SRC: variants seen among roughly 807,000 people sequenced by gnomAD.
SRC encodes the protein proto-oncogene tyrosine-protein kinase Src.
In SRC, 13 loss-of-function variants were observed where a neutral mutation model predicts 62.9. The observed-to-expected ratio is 0.21, with a 90% CI of 0.13 to 0.33. SRC has a LOEUF of 0.33. Ranked by LOEUF, SRC falls within the 10% of genes least tolerant of loss-of-function variation. The pLI is 1.00. For synonymous variants in SRC, 302 were observed against 317.5 expected (o/e 0.95, Z 0.52); for missense variants, 457 against 737.3 (o/e 0.62, Z 4.40).
rs1469965041 is a variant in SRC at position 37,398,387 on chromosome 20, C to T, written c.859+533C>T. Among the ~76,000 whole-genome samples the T allele has an allele frequency of 6.6e-6, 1 of 152,226 alleles. No individual in the cohort carries two copies. Among genetic ancestry groups the T allele is most frequent in the Admixed American group, 6.5e-5 (1 of 15,284 alleles). ...TGACAAAACCCAGGCCCCTCTTCCACCGGATGCTTTCTGCTCACACGGAGG... is the reference window on the plus strand; with the variant it reads ...TGACAAAACCCAGGCCCCTCTTCCATCGGATGCTTTCTGCTCACACGGAGG... On this transcript the variant is annotated intron_variant, in intron 9 of 13. Transcript: ENST00000373578. The surrounding 1 kb of genome is among the most constrained non-coding windows in gnomAD (Gnocchi z 5.2).
At chr20:37,356,974 A>G (rs1211463100) in intron 1 of SRC, among the ~76,000 whole-genome samples, 1 of 152,110 alleles carries the variant, frequency 6.6e-6, no homozygotes, top group African/African-American at 2.4e-5. Flanking sequence ...ACGGCTCCTG[A>G]GAGAGTGAAA....
rs545943652 is a variant in SRC, at chr20:37,393,168, C to T, written c.351-727C>T. Among the ~76,000 whole-genome samples, 18 of 152,370 alleles carry T rather than the reference C, an allele frequency of 1.2e-4. 1 individual carries two copies. In the South Asian group the frequency reaches 3.7e-3, roughly 32 times the overall value. ...TTGGGGCTCTGCCACCTCACCCCCT[C>T]TGACAGGGCTCACTGTGTGACTTTG... On this transcript the variant is annotated intron_variant, in intron 5 of 13. Transcript: ENST00000373578.
chr20:37,395,533 A>G (rs1293712630), intron 7 of SRC, among the ~76,000 whole-genome samples: 4 of 152,342 alleles, frequency 2.6e-5, no homozygotes, highest in African/African-American at 9.6e-5. Flanking sequence ...GGGAGGCACC[A>G]GGGCTGGCCC....
rs2069804879 is a variant in SRC, at chr20:37,351,743, G to A, written c.-247+5488G>A. 6.6e-6 allele frequency among the ~76,000 whole-genome samples: 1 copy of A among 152,246 alleles called. No homozygotes were observed. Among genetic ancestry groups the A allele is most frequent in the Non-Finnish European group, 1.5e-5 (1 of 68,044 alleles). On this transcript the variant is annotated intron_variant, in intron 1 of 13. Coordinates refer to ENST00000373578, the MANE Select transcript of SRC (RefSeq NM_198291.3). The surrounding 1 kb of genome is among the most constrained non-coding windows in gnomAD (Gnocchi z 4.4). The stretch of plus-strand genomic sequence containing the variant: ...TGTCCCTTGCTCCATCCTGGGAGCA[G>A]TCAAACTCTTATTCCTGTTACACAG...
chr20:37,365,359 CA>C (rs2146956270), intron 2 of SRC, 82 bp downstream of exon 2: 1 of 151,582 alleles, frequency 6.6e-6, no homozygotes, highest in East Asian at 1.9e-4. Flanking sequence ...CACACACACA[CA>C]CACACACACA....
intron 1 of SRC, among the ~76,000 whole-genome samples, chr20:37,355,022 T>G (rs1310523092): frequency 6.6e-6 from 1 of 152,144 alleles, no homozygotes; most frequent in African/African-American, 2.4e-5. Flanking sequence ...AGGATACACG[T>G]GAGCACAGGC....
chr20:37,372,950 T>C (rs1410865747), intron 2 of SRC, among the ~76,000 whole-genome samples: 2 of 152,118 alleles, frequency 1.3e-5, no homozygotes, highest in African/African-American at 4.8e-5. Context: ...CTAGGTCTTA[T>C]GTCATGTTTA....
rs920296787 is a variant in SRC at position 37,377,726 on chromosome 20, A to T, written c.-172-4893A>T. ...TCTTGAATATTTTTTAAAAATTGTC[A>T]CTTTAGAAAATCATGACAAAGTCAT... On this transcript the variant is annotated intron_variant, in intron 2 of 13. Transcript: ENST00000373578. 3.3e-5 allele frequency among the ~76,000 whole-genome samples: 5 copies of T among 152,368 alleles called. No individual in the cohort carries two copies. In the South Asian group the frequency reaches 1.0e-3, roughly 32 times the overall value.
In SRC at chr20:37,384,196, C is replaced by T. The variant is rs2147049292; in HGVS notation, c.43C>T (p.Arg15Cys). 1 of 1,597,102 alleles carries T rather than the reference C, an allele frequency of 6.3e-7. No individual in the cohort carries two copies. ...CAAGCCCAAGGATGCCAGCCAGCGG[C>T]GCCGCAGCCTGGAGCCCGCCGAGAA... ...KSKPKDASQR[R>C]RSLEPAENVH... The change falls in exon 4 of 14, where the codon CGC becomes TGC. Residue 15 changes from arginine (R) to cysteine (C), a missense_variant. By Grantham distance (180) the Arg-to-Cys change is radical (BLOSUM62 -3). Coordinates refer to ENST00000373578, the MANE Select transcript of SRC (RefSeq NM_198291.3). This position sits in a 1 kb window ranked among gnomAD's most constrained non-coding sequence, Gnocchi z 6.7.
intron 10 of SRC, among the ~76,000 whole-genome samples, chr20:37,401,380 C>T (rs1467032089): frequency 6.6e-6 from 1 of 152,102 alleles, no homozygotes; most frequent in African/African-American, 2.4e-5. Context: ...TGCATTAGCA[C>T]AGTTTACCTG....
At position 37,404,544 on chromosome 20, in the gene SRC, T is replaced by C. The variant is rs920583064; in HGVS notation, c.*1165T>C. 6.4e-5 allele frequency: 15 copies of C among 233,496 alleles called. No individual in the cohort carries two copies. The highest frequency in any genetic ancestry group is 3.1e-4 in the African/African-American group (14 of 45,312). 14.5% of individuals were successfully genotyped at this position (233,496 alleles called of 1,614,324 possible). Reference sequence around the variant, plus strand: ...CCTCCCCAAGTCGGCACCCTTTAACTCATGAGGAGGGAAAAGAGTGCCTAA... The same window carrying C: ...CCTCCCCAAGTCGGCACCCTTTAACCCATGAGGAGGGAAAAGAGTGCCTAA... On this transcript the variant is annotated 3_prime_UTR_variant, in exon 14 of 14. Coordinates refer to ENST00000373578, the MANE Select transcript of SRC (RefSeq NM_198291.3).
chr20:37,362,591 C>T (rs1039370561), intron 1 of SRC, among the ~76,000 whole-genome samples: 1 of 152,104 alleles, frequency 6.6e-6, no homozygotes, highest in Non-Finnish European at 1.5e-5. Context: ...CTTCTCTGAG[C>T]CTTAGCCTCC....
chr20:37,395,521 A>G (rs2070630517), intron 7 of SRC, among the ~76,000 whole-genome samples: 1 of 152,246 alleles, frequency 6.6e-6, no homozygotes, highest in Non-Finnish European at 1.5e-5. Context: ...CAAGGGAAAG[A>G]GGGGAGGCAC....
In SRC at chr20:37,369,982, T is replaced by C. The variant is rs1054756423; in HGVS notation, c.-173+4705T>C. Among the ~76,000 whole-genome samples, 8 of 152,218 alleles carry C rather than the reference T, an allele frequency of 5.3e-5. No individual in the cohort carries two copies. In the South Asian group the frequency reaches 1.7e-3, roughly 32 times the overall value. On this transcript the variant is annotated intron_variant, in intron 2 of 13. Coordinates refer to ENST00000373578, the MANE Select transcript of SRC (RefSeq NM_198291.3). ...ACCCAGCTAATTTTTGTATTTTTAG[T>C]AGAGATGAGATTTTACCATGTTGGC...
chr20:37,380,924 A>G (rs1382019572), intron 2 of SRC, among the ~76,000 whole-genome samples: 1 of 151,200 alleles, frequency 6.6e-6, no homozygotes, highest in Non-Finnish European at 1.5e-5. Context: ...AAAAGTTACC[A>G]TTTACGGAGG....
At chr20:37,360,160 C>A (rs184066790) in intron 1 of SRC, among the ~76,000 whole-genome samples, 12 of 150,900 alleles carry the variant, frequency 8.0e-5, no homozygotes, top group Admixed American at 2.0e-4. Flanking sequence ...AAAAAGTAGC[C>A]ATAAAACTAA....
At chr20:37,364,071 C>T (rs138958766) in intron 1 of SRC, among the ~76,000 whole-genome samples, 2 of 152,174 alleles carry the variant, frequency 1.3e-5, no homozygotes, top group Non-Finnish European at 2.9e-5. Context: ...CCACCTCTCC[C>T]CTGCCATTGG....
At chr20:37,355,780 C>T (rs756985827) in intron 1 of SRC, among the ~76,000 whole-genome samples, 3 of 151,994 alleles carry the variant, frequency 2.0e-5, no homozygotes, top group African/African-American at 4.8e-5. Flanking sequence ...GAGGGTGGGC[C>T]GGGAAGAAGG....
Position 37,402,643 on chromosome 20 carries a change from C to T in SRC, c.1270+55C>T. On this transcript the variant is annotated intron_variant, in intron 12 of 13. Transcript: ENST00000373578. The surrounding 1 kb of genome is among the most constrained non-coding windows in gnomAD (Gnocchi z 6.2). ...TTGGCCTGGGACAGGTCACGTCCCG[C>T]TCTGAGCCCCAGTTTTTTCCTCAGC... is the stretch of plus-strand genomic sequence containing the variant. The T allele has an allele frequency of 6.3e-7, 1 of 1,576,360 alleles. No homozygotes were observed.
Sources: gnomAD v4.1 joint callset for allele counts (sites outside exome capture counted in the v4.1 genomes callset) on GRCh38, gnomAD v4.1.1 for gene constraint, Gnocchi (gnomAD v3.1) non-coding constraint, MANE v1.5 for transcripts, NCBI Gene and HGNC (gene_info 2026-07-23, HGNC 2026-07-21) for gene names.